Variants in MBOAT1 observed in about 807,000 individuals in gnomAD.
MBOAT1 encodes the protein membrane bound glycerophospholipid O-acyltransferase 1, also known as membrane-bound glycerophospholipid O-acyltransferase 1.
In MBOAT1, 67 loss-of-function variants were observed where a neutral mutation model predicts 64.4. The ratio of observed to expected loss-of-function variants is 1.04; its 90% CI spans 0.85 to 1.27. The LOEUF (loss-of-function observed/expected upper bound fraction) is 1.27. Among genes scored for constraint, MBOAT1 ranks in the 50% most tolerant of loss-of-function variants. MBOAT1 has a pLI of 0.00. For synonymous variants in MBOAT1, 229 were observed against 218.9 expected (o/e 1.05, Z -0.41); for missense variants, 563 against 604.6 (o/e 0.93, Z 0.72).
chr6:20,109,449 T>G, intron 12 of MBOAT1, 149 bp downstream of exon 12: 1 of 939,100 alleles, frequency 1.1e-6, no homozygotes, highest in South Asian at 1.8e-5. Flanking sequence ...GACAGCCACT[T>G]CCTCTTAAAG....
intron 1 of MBOAT1, among the ~76,000 whole-genome samples, chr6:20,153,750 C>T (rs1000025750): frequency 6.6e-6 from 1 of 152,106 alleles, no homozygotes; most frequent in Non-Finnish European, 1.5e-5. Context: ...ACCAAATTTC[C>T]TTAGAAAAAT....
At chr6:20,120,624 G>T (rs572526832) in intron 8 of MBOAT1, among the ~76,000 whole-genome samples, 1 of 151,818 alleles carries the variant, frequency 6.6e-6, no homozygotes, top group African/African-American at 2.4e-5. Context: ...AGCCAAGATC[G>T]CGCCATTGCA....
chr6:20,159,260 C>T (rs1465392970), intron 1 of MBOAT1, among the ~76,000 whole-genome samples: 1 of 152,006 alleles, frequency 6.6e-6, no homozygotes, highest in Non-Finnish European at 1.5e-5. Flanking sequence ...TGTATTTATA[C>T]CACTCCCCAT....
intron 3 of MBOAT1, among the ~76,000 whole-genome samples, chr6:20,149,001 T>C (rs1761410797): frequency 6.7e-6 from 1 of 149,650 alleles, no homozygotes; most frequent in Non-Finnish European, 1.5e-5. Context: ...CTCGGAAGGC[T>C]GAGGCAGGAA....
chr6:20,194,067 C>A (rs184724231), intron 1 of MBOAT1, among the ~76,000 whole-genome samples: 31 of 152,038 alleles, frequency 2.0e-4, no homozygotes, highest in African/African-American at 7.5e-4. Context: ...GCCTCAATGT[C>A]TATTTCTGAC....
At chr6:20,115,930 G>A (rs1334992101) in intron 9 of MBOAT1, among the ~76,000 whole-genome samples, 7 of 151,488 alleles carry the variant, frequency 4.6e-5, no homozygotes, top group Admixed American at 2.0e-4. Context: ...CGGCAGTGGC[G>A]CAAGCAAATC....
At chr6:20,127,578 CA>C (rs1449967376) in intron 6 of MBOAT1, among the ~76,000 whole-genome samples, 3 of 152,138 alleles carry the variant, frequency 2.0e-5, no homozygotes, top group Non-Finnish European at 4.4e-5. Flanking sequence ...CATAGGAGTG[CA>C]AACCCTATGG....
At chr6:20,127,378 A>C (rs1200200222) in intron 6 of MBOAT1, among the ~76,000 whole-genome samples, 1 of 152,192 alleles carries the variant, frequency 6.6e-6, no homozygotes, top group Non-Finnish European at 1.5e-5. Flanking sequence ...ATTATCCCCT[A>C]TAGCAGGGAT....
intron 1 of MBOAT1, among the ~76,000 whole-genome samples, chr6:20,197,331 T>C (rs1474559543): frequency 6.6e-6 from 1 of 152,142 alleles, no homozygotes; most frequent in African/African-American, 2.4e-5. Flanking sequence ...CTGCCTCCCA[T>C]TTTATTCCTA....
Position 20,138,384 on chromosome 6 carries a change from G to A in MBOAT1, c.419+5836C>T, listed in dbSNP as rs1388108164. On this transcript the variant is annotated intron_variant, in intron 4 of 12. Transcript: ENST00000324607. Reference sequence around the variant, plus strand: ...GGTAACATCAGAGATTTCTTACTACGAGGAGATCCAAAAAATGCCAGAAAA... The same window carrying A: ...GGTAACATCAGAGATTTCTTACTACAAGGAGATCCAAAAAATGCCAGAAAA... Among the ~76,000 whole-genome samples the A allele has an allele frequency of 3.9e-5, 6 of 151,918 alleles. No individual in the cohort carries two copies. In the South Asian group the frequency reaches 6.2e-4, roughly 16 times the overall value.
At chr6:20,143,521 G>A (rs1187734845) in intron 4 of MBOAT1, among the ~76,000 whole-genome samples, 1 of 152,154 alleles carries the variant, frequency 6.6e-6, no homozygotes, top group East Asian at 1.9e-4. Context: ...CCCTAACACA[G>A]GGATAGAAAA....
intron 7 of MBOAT1, among the ~76,000 whole-genome samples, chr6:20,124,814 G>A (rs2113649387): frequency 6.6e-6 from 1 of 152,198 alleles, no homozygotes; most frequent in African/African-American, 2.4e-5. Context: ...TGACACTTGG[G>A]GGTTGAATGT....
chr6:20,154,529 T>A (rs1370806481), intron 1 of MBOAT1, among the ~76,000 whole-genome samples: 1 of 151,822 alleles, frequency 6.6e-6, no homozygotes, highest in Non-Finnish European at 1.5e-5. Flanking sequence ...CAAGACTTCA[T>A]CTCAAAATAA....
At chr6:20,115,925 G>A (rs1246804361) in intron 9 of MBOAT1, among the ~76,000 whole-genome samples, 2 of 151,844 alleles carry the variant, frequency 1.3e-5, no homozygotes, top group Non-Finnish European at 2.9e-5. Context: ...CCAACCGGCA[G>A]TGGCGCAAGC....
At position 20,109,843 on chromosome 6, in the gene MBOAT1, T is replaced by A. The variant is rs767267800; in HGVS notation, c.1210-94A>T. 1.1e-5 allele frequency: 14 copies of A among 1,278,030 alleles called. No homozygotes were observed. The Admixed American group carries it at 2.8e-4, about 25-fold the overall frequency. The allele number at this position is 1,278,030 out of a possible 1,614,324, so 79.2% of individuals were successfully genotyped here. ...ATGCAGATAGTATGCCACAGGAACA[T>A]GGGCTACAGAAGATAACCAACATCT... On this transcript the variant is annotated intron_variant, in intron 11 of 12. Coordinates refer to ENST00000324607, the MANE Select transcript of MBOAT1 (RefSeq NM_001080480.3).
chr6:20,156,369 T>C (rs933949301), intron 1 of MBOAT1, among the ~76,000 whole-genome samples: 1 of 152,102 alleles, frequency 6.6e-6, no homozygotes, highest in African/African-American at 2.4e-5. Context: ...CAAGACTTCA[T>C]CATGGATTAA....
chr6:20,187,995 A>G (rs941029062), intron 1 of MBOAT1, among the ~76,000 whole-genome samples: 1 of 152,190 alleles, frequency 6.6e-6, no homozygotes, highest in Non-Finnish European at 1.5e-5. Flanking sequence ...AAAAAAAAAG[A>G]GAGAGAAGAA....
intron 4 of MBOAT1, among the ~76,000 whole-genome samples, chr6:20,133,781 G>A (rs140524914): frequency 4.6e-5 from 7 of 152,176 alleles, no homozygotes; most frequent in Admixed American, 3.3e-4. Flanking sequence ...ATTCGGTGGC[G>A]CACGTTAAGC....
intron 1 of MBOAT1, among the ~76,000 whole-genome samples, chr6:20,195,676 T>A (rs1762936556): frequency 6.6e-6 from 1 of 152,284 alleles, no homozygotes; most frequent in South Asian, 2.1e-4. Context: ...TCTATAAATA[T>A]GTTTATATGT....
Sources: gnomAD v4.1 joint callset for allele counts (sites outside exome capture counted in the v4.1 genomes callset) on GRCh38, gnomAD v4.1.1 for gene constraint, MANE v1.5 for transcripts, NCBI Gene and HGNC (gene_info 2026-07-23, HGNC 2026-07-21) for gene names.